CSGALNACT1: variants seen among roughly 807,000 people sequenced by gnomAD.
CSGALNACT1 encodes chondroitin sulfate N-acetylgalactosaminyltransferase 1, also known as beta4GalNAcT-1.
In CSGALNACT1, 52 loss-of-function variants were observed where a neutral mutation model predicts 51.0. The observed-to-expected ratio is 1.02, with a 90% confidence interval of 0.82 to 1.29. The LOEUF (loss-of-function observed/expected upper bound fraction) is 1.29, where lower values mean the gene tolerates loss of function less well. Ranked by LOEUF, CSGALNACT1 falls within the 50% of genes most tolerant of loss-of-function variation. The pLI is 0.00. For missense variants in CSGALNACT1, 935 were observed against 679.2 expected, an observed-to-expected ratio of 1.38 and a Z score of -4.19; for synonymous variants, 341 against 254.4, an observed-to-expected ratio of 1.34 and a Z score of -3.24.
At chr8:19,746,914 T>G (rs971957665) in intron 1 of CSGALNACT1, among the ~76,000 whole-genome samples, 2 of 152,226 alleles carry the variant, frequency 1.3e-5, no homozygotes, top group African/African-American at 4.8e-5. Context: ...CACACTGGCA[T>G]GTCATCTGCC....
At chr8:19,571,899 T>A (rs1336440041) in intron 3 of CSGALNACT1, among the ~76,000 whole-genome samples, 1 of 152,228 alleles carries the variant, frequency 6.6e-6, no homozygotes, top group Non-Finnish European at 1.5e-5. Context: ...CTGTAGGGCC[T>A]ACAAAGATAA....
At chr8:19,580,042 T>G (rs1291210667) in intron 3 of CSGALNACT1, among the ~76,000 whole-genome samples, 1 of 152,174 alleles carries the variant, frequency 6.6e-6, no homozygotes, top group Non-Finnish European at 1.5e-5. Flanking sequence ...CACCCTGAAG[T>G]GAGACCCTCC....
intron 1 of CSGALNACT1, among the ~76,000 whole-genome samples, chr8:19,734,521 C>G (rs140849805): frequency 6.6e-5 from 10 of 152,322 alleles, no homozygotes; most frequent in Middle Eastern, 3.4e-3. Context: ...CTCTCTGAAC[C>G]TCTACTACTT....
At chr8:19,696,133 C>T (rs1270885545) in intron 1 of CSGALNACT1, among the ~76,000 whole-genome samples, 2 of 152,174 alleles carry the variant, frequency 1.3e-5, no homozygotes, top group Non-Finnish European at 2.9e-5. Context: ...TGGCTGAATT[C>T]TGCCTTTCTC....
intron 1 of CSGALNACT1, among the ~76,000 whole-genome samples, chr8:19,666,890 A>G (rs866071635): frequency 8.8e-5 from 12 of 135,896 alleles, no homozygotes; most frequent in African/African-American, 3.6e-4. Context: ...AGAAAGAGAG[A>G]GAGGAAGTGA....
At chr8:19,562,245 G>T (rs897984044) in intron 3 of CSGALNACT1, among the ~76,000 whole-genome samples, 3 of 152,164 alleles carry the variant, frequency 2.0e-5, no homozygotes, top group Non-Finnish European at 4.4e-5. Context: ...GCTCTTCATG[G>T]TCATTGAAAG....
intron 1 of CSGALNACT1, among the ~76,000 whole-genome samples, chr8:19,634,662 A>G (rs573869075): frequency 9.9e-5 from 15 of 152,262 alleles, no homozygotes; most frequent in South Asian, 4.2e-4. Context: ...ACCTGTCTCA[A>G]TATTTTTTTT....
chr8:19,588,700 T>G (rs2047180260), intron 3 of CSGALNACT1, among the ~76,000 whole-genome samples: 2 of 152,234 alleles, frequency 1.3e-5, no homozygotes, highest in African/African-American at 4.8e-5. Flanking sequence ...ATTGGATTTT[T>G]GTCAATTTTT....
At position 19,419,750 on chromosome 8, in the gene CSGALNACT1, A is replaced by G. The variant is rs530640001; in HGVS notation, c.1132+590T>C. On this transcript the variant is annotated intron_variant, in intron 7 of 9. Coordinates refer to ENST00000454498, the Ensembl canonical transcript of CSGALNACT1. ...GTTGCAGACGGAAGAGGGGTTATGG[A>G]CATGAACTTGGGAAAAGAGTCCCAG... Among the ~76,000 whole-genome samples, 34 of 152,286 alleles carry G rather than the reference A, an allele frequency of 2.2e-4. No homozygotes were observed. In the East Asian group the frequency reaches 6.4e-3, roughly 29 times the overall value.
At chr8:19,666,882 A>AGG (rs1491174511) in intron 1 of CSGALNACT1, among the ~76,000 whole-genome samples, 6 of 113,974 alleles carry the variant, frequency 5.3e-5, no homozygotes, top group African/African-American at 2.4e-4. Flanking sequence ...AGAAAGAAAG[A>AGG]AAGAGAGAGA....
intron 1 of CSGALNACT1, among the ~76,000 whole-genome samples, chr8:19,628,072 G>A (rs759155138): frequency 1.3e-5 from 2 of 152,108 alleles, no homozygotes; most frequent in African/African-American, 4.8e-5. Context: ...GTTGAGCACT[G>A]TGTGCTGACA....
intron 3 of CSGALNACT1, among the ~76,000 whole-genome samples, chr8:19,574,343 C>A (rs2043683955): frequency 6.6e-6 from 1 of 152,210 alleles, no homozygotes; most frequent in Non-Finnish European, 1.5e-5. Context: ...CCAATGGTCT[C>A]TTGCAACAAC....
intron 2 of CSGALNACT1, among the ~76,000 whole-genome samples, chr8:19,597,345 G>C (rs1425430416): frequency 1.5e-5 from 2 of 132,496 alleles, no homozygotes; most frequent in Non-Finnish European, 3.1e-5. Flanking sequence ...ACCCAAGCTA[G>C]AGTGCAGTGA....
intron 1 of CSGALNACT1, among the ~76,000 whole-genome samples, chr8:19,637,801 C>T (rs896631433): frequency 3.3e-5 from 5 of 150,958 alleles, no homozygotes; most frequent in Non-Finnish European, 7.4e-5. Context: ...GAGAATTATA[C>T]TCGTTGTACG....
chr8:19,521,493 G>A (rs1418520507), intron 3 of CSGALNACT1, among the ~76,000 whole-genome samples: 1 of 152,154 alleles, frequency 6.6e-6, no homozygotes, highest in Non-Finnish European at 1.5e-5. Context: ...GAACAGCCTG[G>A]CCAACATGGT....
intron 3 of CSGALNACT1, among the ~76,000 whole-genome samples, chr8:19,583,845 T>C (rs2046088450): frequency 6.6e-6 from 1 of 152,160 alleles, no homozygotes; most frequent in Admixed American, 6.6e-5. Flanking sequence ...AGAATAATAT[T>C]TCAAATGCTT....
At chr8:19,537,125 C>T (rs1055616933) in intron 3 of CSGALNACT1, among the ~76,000 whole-genome samples, 1 of 152,146 alleles carries the variant, frequency 6.6e-6, no homozygotes, top group African/African-American at 2.4e-5. Context: ...AACCTTTAAG[C>T]AGAATTCTTT....
At chr8:19,436,441 T>C (rs1387087182) in intron 6 of CSGALNACT1, among the ~76,000 whole-genome samples, 1 of 152,162 alleles carries the variant, frequency 6.6e-6, no homozygotes, top group African/African-American at 2.4e-5. Flanking sequence ...TGTCTTTACA[T>C]GTGAAGTAGA....
intron 3 of CSGALNACT1, among the ~76,000 whole-genome samples, chr8:19,516,589 C>T (rs977062111): frequency 6.6e-6 from 1 of 152,268 alleles, no homozygotes. Flanking sequence ...CAAACTCACA[C>T]TATCCTGACA....
Sources: gnomAD v4.1 joint callset for allele counts (sites outside exome capture counted in the v4.1 genomes callset) on GRCh38, gnomAD v4.1.1 for gene constraint, MANE v1.5 for transcripts, NCBI Gene and HGNC (gene_info 2026-07-23, HGNC 2026-07-21) for gene names.